CLASP2: variants seen among roughly 807,000 people sequenced by gnomAD.
CLASP2 encodes CLIP-associating protein 2.
A neutral mutation model predicts 194.4 loss-of-function variants in CLASP2; 47 were observed. The observed-to-expected ratio is 0.24, with a 90% CI of 0.19 to 0.31. The LOEUF (loss-of-function observed/expected upper bound fraction) is 0.31. Ranked by LOEUF, CLASP2 falls within the 10% of genes least tolerant of loss-of-function variation. The pLI is 1.00. For synonymous variants in CLASP2, 619 were observed against 633.5 expected, an observed-to-expected ratio of 0.98 and a Z score of 0.34; for missense variants, 1,445 against 1,823.6, an observed-to-expected ratio of 0.79 and a Z score of 3.78.
chr3:33,575,938 T>C (rs986419340), intron 24 of CLASP2, among the ~76,000 whole-genome samples: 2 of 152,162 alleles, frequency 1.3e-5, no homozygotes, highest in African/African-American at 4.8e-5. Flanking sequence ...ATTAAAGACA[T>C]CTATATTTAT....
Position 33,718,138 on chromosome 3 carries a change from G to T in CLASP2, c.-136C>A. The T allele has an allele frequency of 1.1e-6, 1 of 882,402 alleles. No homozygotes were observed. Among genetic ancestry groups the T allele is most frequent in the Non-Finnish European group, 1.6e-6 (1 of 641,350 alleles). The allele number at this position is 882,402 out of a possible 1,614,324, so 54.7% of individuals were successfully genotyped here. On this transcript the variant is annotated 5_prime_UTR_variant, in exon 1 of 39. It adds an upstream start codon to the 5' untranslated region. Coordinates refer to ENST00000682230, the MANE Select transcript of CLASP2 (RefSeq NM_001365631.1). ...CCAGGGGCGCGGCTTGCGGGGCGCA[G>T]CGGGCGGCGGGAGGAACGCCAAGCG...
intron 24 of CLASP2, among the ~76,000 whole-genome samples, chr3:33,575,870 C>T (rs1292370941): frequency 6.6e-6 from 1 of 152,084 alleles, no homozygotes; most frequent in Non-Finnish European, 1.5e-5. Flanking sequence ...TTTAAGTGTA[C>T]ATATTTATAT....
chr3:33,702,379 T>C (rs2092434396), intron 1 of CLASP2, among the ~76,000 whole-genome samples: 1 of 152,114 alleles, frequency 6.6e-6, no homozygotes. Context: ...GACCATTCAA[T>C]GGGGGAATGA....
chr3:33,503,469 C>A (rs2047314047), intron 37 of CLASP2: 1 of 151,170 alleles, frequency 6.6e-6, no homozygotes, highest in Non-Finnish European at 1.5e-5. Context: ...TGCTCCGTTG[C>A]CTAGGCTGGA....
intron 8 of CLASP2, among the ~76,000 whole-genome samples, chr3:33,640,706 T>G (rs1028129901): frequency 2.0e-5 from 3 of 152,094 alleles, no homozygotes; most frequent in African/African-American, 7.2e-5. Context: ...CAACCCTTAT[T>G]TTTTTAAAAA....
chr3:33,528,000 C>A (rs1020718184), intron 34 of CLASP2, among the ~76,000 whole-genome samples: 2 of 151,892 alleles, frequency 1.3e-5, no homozygotes, highest in African/African-American at 4.8e-5. Context: ...AAAAAGAAAA[C>A]TTCAGGCCAG....
intron 34 of CLASP2, among the ~76,000 whole-genome samples, chr3:33,530,826 A>G (rs542576336): frequency 1.3e-5 from 2 of 152,356 alleles, no homozygotes; most frequent in South Asian, 4.1e-4. Flanking sequence ...AAGAAATATA[A>G]AAGAAAATAC....
At chr3:33,553,113 C>T (rs984764472) in intron 29 of CLASP2, among the ~76,000 whole-genome samples, 4 of 152,096 alleles carry the variant, frequency 2.6e-5, no homozygotes, top group African/African-American at 9.7e-5. Flanking sequence ...TCTTCCCTTA[C>T]TATCGACTTT....
chr3:33,676,381 G>C (rs9850358), intron 6 of CLASP2, among the ~76,000 whole-genome samples: 5,429 of 5,970 alleles, frequency 0.91, 2,452 homozygotes, highest in Middle Eastern at 1. Flanking sequence ...GCTAGCAGAC[G>C]CCTCAGAAAT....
intron 23 of CLASP2, among the ~76,000 whole-genome samples, chr3:33,577,759 T>C (rs955317763): frequency 6.6e-6 from 1 of 152,184 alleles, no homozygotes; most frequent in East Asian, 1.9e-4. Context: ...GTGGGGCCTG[T>C]AGGAGCCAAT....
chr3:33,618,073 C>T (rs1389152619), intron 12 of CLASP2, among the ~76,000 whole-genome samples: 1 of 151,156 alleles, frequency 6.6e-6, no homozygotes, highest in Non-Finnish European at 1.5e-5. Flanking sequence ...CTCAGCTTCC[C>T]GAGCGGCTGG....
At chr3:33,680,878 G>C (rs570735349) in intron 6 of CLASP2, among the ~76,000 whole-genome samples, 1 of 152,156 alleles carries the variant, frequency 6.6e-6, no homozygotes, top group East Asian at 1.9e-4. Flanking sequence ...TGTAATCCCA[G>C]CACTTTGGGA....
rs186078714 is a variant in CLASP2 at position 33,691,017 on chromosome 3, C to T, written c.275-1085G>A. ...AATATGCACAGTTCACAATAGGGTTCGTGCTCCTTTGAGAATCGAATGCTG... is the reference window on the plus strand; with the variant it reads ...AATATGCACAGTTCACAATAGGGTTTGTGCTCCTTTGAGAATCGAATGCTG... On this transcript the variant is annotated intron_variant, in intron 2 of 38. Transcript: ENST00000682230. 6.3e-4 allele frequency among the ~76,000 whole-genome samples: 96 copies of T among 152,272 alleles called. No homozygotes were observed. The East Asian group carries it at 6.8e-3, about 11-fold the overall frequency.
intron 36 of CLASP2, among the ~76,000 whole-genome samples, chr3:33,513,337 G>A (rs370725685): frequency 6.6e-6 from 1 of 152,092 alleles, no homozygotes; most frequent in Non-Finnish European, 1.5e-5. Context: ...CCAGGAGTTC[G>A]AGACCAGCCT....
chr3:33,715,638 G>A (rs2093256402), intron 1 of CLASP2, among the ~76,000 whole-genome samples: 1 of 151,938 alleles, frequency 6.6e-6, no homozygotes, highest in Non-Finnish European at 1.5e-5. Context: ...TGGATCCTTA[G>A]CATCTTGAAT....
intron 22 of CLASP2, among the ~76,000 whole-genome samples, chr3:33,583,964 A>G (rs1230956921): frequency 6.6e-6 from 1 of 152,174 alleles, no homozygotes; most frequent in African/African-American, 2.4e-5. Context: ...AGCAATGTTA[A>G]TTAGTCAATC....
In CLASP2 at chr3:33,585,063, G is replaced by T. The variant is rs2067044958; in HGVS notation, c.2069-143C>A. Reference sequence around the variant, plus strand: ...CTACGCTCAAAGGAAATAGACCGAGGAAGATTTAAATATAATTATAACCTG... The same window carrying T: ...CTACGCTCAAAGGAAATAGACCGAGTAAGATTTAAATATAATTATAACCTG... On this transcript the variant is annotated intron_variant, in intron 21 of 38. Coordinates refer to ENST00000682230, the MANE Select transcript of CLASP2 (RefSeq NM_001365631.1). The T allele has an allele frequency of 6.6e-6, 4 of 609,216 alleles. No individual in the cohort carries two copies. In the South Asian group the frequency reaches 1.1e-4, roughly 17 times the overall value. 37.7% of individuals were successfully genotyped at this position (609,216 alleles called of 1,614,324 possible). A position where few individuals can be genotyped will look rare whatever the true frequency, so the allele number is the denominator to read the frequency against.
In CLASP2 at chr3:33,603,116, C is replaced by T. The variant is rs748925105; in HGVS notation, c.1760G>A (p.Gly587Asp). Residue 587 changes from glycine (G) to aspartate (D), a missense_variant, in exon 18 of 39, where the codon GGC becomes GAC. Physicochemically the swap from Gly to Asp is moderately conservative, Grantham distance 94. Coordinates refer to ENST00000682230, the MANE Select transcript of CLASP2 (RefSeq NM_001365631.1). ...TGGAAGGGAACTGGCTTTGCTGCTG[C>T]CTGCTGATACTACGAAATACAAAGC... ...PSTVAGRVSA[G>D]SSKASSLPGS... The T allele has an allele frequency of 1.2e-5, 19 of 1,572,506 alleles. No homozygotes were observed. The Admixed American group carries it at 2.0e-4, about 17-fold the overall frequency.
At chr3:33,671,253 T>C (rs563506072) in intron 6 of CLASP2, among the ~76,000 whole-genome samples, 2 of 152,118 alleles carry the variant, frequency 1.3e-5, no homozygotes, top group African/African-American at 4.8e-5. Context: ...GAACACTTCC[T>C]CTCCCATACC....
Sources: allele counts gnomAD v4.1 joint callset (sites outside exome capture counted in the v4.1 genomes callset), GRCh38; gene constraint gnomAD v4.1.1; transcripts MANE v1.5; gene names NCBI Gene and HGNC (gene_info 2026-07-23, HGNC 2026-07-21).